The following CCDC171 variants were observed in gnomAD, a reference collection of about 807,000 sequenced individuals.
CCDC171 encodes coiled-coil domain-containing protein 171.
A neutral mutation model predicts 168.2 loss-of-function variants in CCDC171; 177 were observed. The observed-to-expected ratio is 1.05, with a 90% confidence interval of 0.93 to 1.19. The LOEUF (loss-of-function observed/expected upper bound fraction) is 1.19, where lower values mean the gene tolerates loss of function less well. Among genes scored for constraint, CCDC171 ranks in the 50% most tolerant of loss-of-function variants. The pLI is 0.00. For missense variants in CCDC171, 1,991 were observed against 1,539.0 expected (o/e 1.29, Z -4.91); for synonymous variants, 687 against 540.8 (o/e 1.27, Z -3.75).
chr9:16,102,280 T>C, the CCDC171 span, among the ~76,000 whole-genome samples: 1 of 152,220 alleles, frequency 6.6e-6, no homozygotes, highest in Non-Finnish European at 1.5e-5. Context: ...AGCCCCAACA[T>C]CTCAGTTGAG....
chr9:15,627,296 G>GT lies in CCDC171; in HGVS notation c.822+3889dup, dbSNP rs541565735. ...CTGGATTCATTGATTTTTTTCAAGG[G>GT]TTTTTTGTGTCTTTATCTCTTTCAG... On this transcript the variant is annotated intron_variant, in intron 7 of 25. Coordinates refer to ENST00000380701, the MANE Select transcript of CCDC171 (RefSeq NM_173550.4). Among the ~76,000 whole-genome samples, 228 of 151,592 alleles carry GT rather than the reference G, an allele frequency of 1.5e-3. 1 individual carries two copies. Among genetic ancestry groups the GT allele is most frequent in the African/African-American group, 4.8e-3 (198 of 41,322 alleles).
intron 10 of CCDC171, among the ~76,000 whole-genome samples, chr9:15,683,976 A>G (rs2050212003): frequency 6.6e-6 from 1 of 152,144 alleles, no homozygotes; most frequent in Non-Finnish European, 1.5e-5. Flanking sequence ...TGGAAGTGGC[A>G]TAGGTAAACA....
At chr9:15,622,904 A>C (rs986321883) in intron 6 of CCDC171, among the ~76,000 whole-genome samples, 2 of 152,222 alleles carry the variant, frequency 1.3e-5, no homozygotes, top group African/African-American at 4.8e-5. Flanking sequence ...TATTATAAAA[A>C]GGGCAATATA....
At chr9:15,995,210 T>C (rs1222309563) in intron 3 of CCDC171, among the ~76,000 whole-genome samples, 1 of 152,168 alleles carries the variant, frequency 6.6e-6, no homozygotes, top group Non-Finnish European at 1.5e-5. Flanking sequence ...GAAGTAACAT[T>C]TGGGGGAAAG....
chr9:15,805,498 T>C (rs147013542), intron 21 of CCDC171, among the ~76,000 whole-genome samples: 146 of 152,266 alleles, frequency 9.6e-4, no homozygotes, highest in African/African-American at 3.4e-3. Context: ...ATTTCATTAT[T>C]TACCCAAAAA....
the CCDC171 span, among the ~76,000 whole-genome samples, chr9:16,070,061 G>A: frequency 6.6e-6 from 1 of 152,168 alleles, no homozygotes; most frequent in Non-Finnish European, 1.5e-5. Context: ...TCATGAAAAG[G>A]GGAGCGCTCA....
At chr9:16,011,387 A>G (rs1346350268) in intron 3 of CCDC171, among the ~76,000 whole-genome samples, 2 of 135,060 alleles carry the variant, frequency 1.5e-5, no homozygotes, top group Admixed American at 1.6e-4. Flanking sequence ...AAAAATAGTA[A>G]TGGTGTGAAA....
chr9:15,558,710 G>GT (rs1291068361), intron 1 of CCDC171, among the ~76,000 whole-genome samples: 2 of 152,040 alleles, frequency 1.3e-5, no homozygotes, highest in African/African-American at 4.8e-5. Flanking sequence ...ATTTTGAAGG[G>GT]TTTTTTTGTG....
intron 1 of CCDC171, among the ~76,000 whole-genome samples, chr9:16,059,822 T>C (rs1388098220): frequency 6.6e-6 from 1 of 151,978 alleles, no homozygotes; most frequent in Non-Finnish European, 1.5e-5. Flanking sequence ...CCTTTTTTTT[T>C]TCTTTAACAC....
At chr9:15,778,075 A>T (rs2057431370) in intron 19 of CCDC171, among the ~76,000 whole-genome samples, 1 of 150,932 alleles carries the variant, frequency 6.6e-6, no homozygotes, top group Non-Finnish European at 1.5e-5. Flanking sequence ...AGGCGGGTGG[A>T]TCATGAGGTC....
At chr9:15,805,129 G>C (rs1334464541) in intron 21 of CCDC171, among the ~76,000 whole-genome samples, 1 of 151,844 alleles carries the variant, frequency 6.6e-6, no homozygotes, top group Non-Finnish European at 1.5e-5. Context: ...GTGTTTATTT[G>C]AATCTTCTCT....
At chr9:15,886,782 A>C (rs980985277) in intron 24 of CCDC171, 1 of 151,462 alleles carries the variant, frequency 6.6e-6, no homozygotes, top group Non-Finnish European at 1.5e-5. Flanking sequence ...ACACACACAC[A>C]CACCCAGAGG....
At chr9:16,095,536 C>T in the CCDC171 span, among the ~76,000 whole-genome samples, 1 of 151,960 alleles carries the variant, frequency 6.6e-6, no homozygotes, top group African/African-American at 2.4e-5. Flanking sequence ...CACACACGCT[C>T]TCTCTTTCTC....
At chr9:15,823,625 C>T (rs895182087) in intron 21 of CCDC171, among the ~76,000 whole-genome samples, 9 of 152,138 alleles carry the variant, frequency 5.9e-5, no homozygotes, top group South Asian at 2.1e-4. Context: ...CTTGACAATA[C>T]GCATGAGGAC....
intron 23 of CCDC171, among the ~76,000 whole-genome samples, chr9:15,850,011 C>A (rs1471703685): frequency 6.6e-6 from 1 of 151,822 alleles, no homozygotes; most frequent in African/African-American, 2.4e-5. Flanking sequence ...TCTCCCCCTT[C>A]CCATTTAAAA....
chr9:16,092,617 C>A, the CCDC171 span, among the ~76,000 whole-genome samples: 1 of 152,200 alleles, frequency 6.6e-6, no homozygotes, highest in African/African-American at 2.4e-5. Context: ...AAAAGGAGTT[C>A]AACCTAAACA....
intron 3 of CCDC171, among the ~76,000 whole-genome samples, chr9:16,015,104 C>T (rs1302973559): frequency 6.6e-6 from 1 of 152,058 alleles, no homozygotes; most frequent in Non-Finnish European, 1.5e-5. Context: ...TACCCTAAAA[C>T]TTAAAGTCTA....
intron 20 of CCDC171, among the ~76,000 whole-genome samples, chr9:15,783,693 T>G (rs751432670): frequency 6.6e-6 from 1 of 152,216 alleles, no homozygotes; most frequent in Non-Finnish European, 1.5e-5. Flanking sequence ...CAAGCTTGTC[T>G]TGCCTTGGAT....
chr9:15,990,584 A>T (rs199964270), intron 3 of CCDC171, among the ~76,000 whole-genome samples: 5 of 152,288 alleles, frequency 3.3e-5, no homozygotes, highest in East Asian at 1.9e-4. Flanking sequence ...AATATTAACC[A>T]TAAATGTAAA....
Sources: allele counts gnomAD v4.1 joint callset (sites outside exome capture counted in the v4.1 genomes callset), GRCh38; gene constraint gnomAD v4.1.1; transcripts MANE v1.5; gene names NCBI Gene and HGNC (gene_info 2026-07-23, HGNC 2026-07-21).